The following TNPO1 variants were observed in gnomAD, a reference collection of about 807,000 sequenced individuals.
The protein encoded by TNPO1 is transportin 1, also known as transportin-1.
Under a neutral mutation model 119.5 loss-of-function variants are expected in TNPO1, and 8 were observed. The ratio of observed to expected loss-of-function variants is 0.07; its 90% CI spans 0.04 to 0.12. TNPO1 has a LOEUF of 0.12. Ranked by LOEUF, TNPO1 falls within the 10% of genes least tolerant of loss-of-function variation. TNPO1 has a pLI of 1.00. For synonymous variants in TNPO1, 362 were observed against 363.0 expected, an observed-to-expected ratio of 1.00 and a Z score of 0.03; for missense variants, 576 against 1,089.8, an observed-to-expected ratio of 0.53 and a Z score of 6.64.
intron 23 of TNPO1, among the ~76,000 whole-genome samples, chr5:72,904,080 G>A (rs1749968191): frequency 6.6e-6 from 1 of 152,156 alleles, no homozygotes; most frequent in Non-Finnish European, 1.5e-5. Flanking sequence ...GATGGAAATG[G>A]AGACTTGGAG....
At chr5:72,888,721 C>A (rs994552214) in intron 13 of TNPO1, among the ~76,000 whole-genome samples, 2 of 152,170 alleles carry the variant, frequency 1.3e-5, no homozygotes, top group Non-Finnish European at 2.9e-5. Flanking sequence ...GGAATAACAA[C>A]GTTTGAGCAG....
At chr5:72,900,314 T>C (rs1481706684) in intron 21 of TNPO1, among the ~76,000 whole-genome samples, 1 of 152,218 alleles carries the variant, frequency 6.6e-6, no homozygotes, top group African/African-American at 2.4e-5. Flanking sequence ...GATTGTCACA[T>C]GCTTGCTGTG....
chr5:72,878,381 T>G (rs777602966), intron 9 of TNPO1, among the ~76,000 whole-genome samples: 11 of 151,988 alleles, frequency 7.2e-5, no homozygotes, highest in Admixed American at 2.0e-4. Flanking sequence ...TATACCCCAC[T>G]GTGTGTCTAT....
At chr5:72,851,010 G>A (rs1367290233) in intron 2 of TNPO1, among the ~76,000 whole-genome samples, 3 of 151,948 alleles carry the variant, frequency 2.0e-5, no homozygotes, top group South Asian at 2.1e-4. Context: ...TTCTTATGTT[G>A]TATTGCATGT....
chr5:72,888,378 G>T, intron 13 of TNPO1, 75 bp downstream of exon 13: 1 of 1,275,336 alleles, frequency 7.8e-7, no homozygotes, highest in Non-Finnish European at 1.1e-6. Context: ...TGGAGTGTTG[G>T]TGTTAAACCT....
intron 1 of TNPO1, among the ~76,000 whole-genome samples, chr5:72,831,562 G>A (rs937503980): frequency 1.3e-5 from 2 of 151,640 alleles, no homozygotes; most frequent in African/African-American, 2.4e-5. Context: ...AAATTATTTT[G>A]TATACACAAG....
rs189428219 is a variant in TNPO1, at chr5:72,840,194, A to G, written c.16-8191A>G. Among the ~76,000 whole-genome samples, 49 of 152,286 alleles carry G rather than the reference A, an allele frequency of 3.2e-4. No homozygotes were observed. The South Asian group carries it at 3.5e-3, about 11-fold the overall frequency. On this transcript the variant is annotated intron_variant, in intron 1 of 24. Transcript: ENST00000337273. ...CACATGTTCGTGGGGTGGCAGAATG[A>G]GAATAATATGGCAGAGTAGTAGTTC...
rs1561364703 is a variant in TNPO1, at chr5:72,905,296, C to G, written c.2590-7C>G. On this transcript the variant is annotated splice_polypyrimidine_tract_variant and splice_region_variant and intron_variant, in intron 23 of 24. Transcript: ENST00000337273. The stretch of plus-strand genomic sequence containing the variant: ...ATTGATAAATTAATGGTTTTTCACT[C>G]TTACAGATCCTTCATGGATTTAAAA... 1.9e-6 allele frequency: 3 copies of G among 1,601,960 alleles called. No homozygotes were observed. The highest frequency in any genetic ancestry group is 2.6e-6 in the Non-Finnish European group (3 of 1,173,626).
At chr5:72,866,991 A>G (rs1580422780) in intron 6 of TNPO1, among the ~76,000 whole-genome samples, 1 of 152,052 alleles carries the variant, frequency 6.6e-6, no homozygotes, top group African/African-American at 2.4e-5. Context: ...CCTACGCAAC[A>G]TAGCAAGACC....
intron 22 of TNPO1, among the ~76,000 whole-genome samples, chr5:72,902,948 T>G (rs1280467270): frequency 2.0e-5 from 3 of 152,154 alleles, no homozygotes; most frequent in Non-Finnish European, 4.4e-5. Flanking sequence ...TTTTTGAAAT[T>G]AGTGAAGTTT....
At chr5:72,845,688 G>C (rs893681826) in intron 1 of TNPO1, among the ~76,000 whole-genome samples, 1 of 152,164 alleles carries the variant, frequency 6.6e-6, no homozygotes, top group Non-Finnish European at 1.5e-5. Flanking sequence ...ATCATAGGCT[G>C]ATCAAATTAA....
At chr5:72,843,695 T>C (rs1214684280) in intron 1 of TNPO1, among the ~76,000 whole-genome samples, 1 of 152,168 alleles carries the variant, frequency 6.6e-6, no homozygotes, top group Non-Finnish European at 1.5e-5. Context: ...TGTTTACCAT[T>C]TTGGGAAATG....
intron 20 of TNPO1, among the ~76,000 whole-genome samples, chr5:72,899,593 A>C (rs1579934922): frequency 6.6e-6 from 1 of 152,304 alleles, no homozygotes; most frequent in Middle Eastern, 3.4e-3. Flanking sequence ...TCTCATGAAA[A>C]AAACTATAGA....
intron 11 of TNPO1, among the ~76,000 whole-genome samples, 199 bp downstream of exon 11, chr5:72,883,431 T>C (rs905806551): frequency 4.6e-5 from 7 of 152,198 alleles, no homozygotes; most frequent in Non-Finnish European, 8.8e-5. Flanking sequence ...AGTAACTCCC[T>C]ATTGTTCACT....
chr5:72,857,747 C>T (rs1346770447), intron 4 of TNPO1, among the ~76,000 whole-genome samples: 1 of 152,274 alleles, frequency 6.6e-6, no homozygotes, highest in Admixed American at 6.5e-5. Context: ...CATTATAAAC[C>T]TATCTTTAAG....
At chr5:72,849,531 C>T (rs2112249019) in intron 2 of TNPO1, among the ~76,000 whole-genome samples, 1 of 152,282 alleles carries the variant, frequency 6.6e-6, no homozygotes, top group East Asian at 1.9e-4. Context: ...TTTAAAACAT[C>T]TGTAAAGATG....
At chr5:72,836,220 C>T (rs920420444) in intron 1 of TNPO1, among the ~76,000 whole-genome samples, 7 of 152,222 alleles carry the variant, frequency 4.6e-5, no homozygotes, top group African/African-American at 7.2e-5. Context: ...CTCCACTAGG[C>T]GTGCCCTAGT....
chr5:72,896,567 T>C lies in TNPO1; in HGVS notation c.2242+11T>C. 1 of 1,606,946 alleles carries C rather than the reference T, an allele frequency of 6.2e-7. No homozygotes were observed. The highest frequency in any genetic ancestry group is 8.5e-7 in the Non-Finnish European group (1 of 1,176,400). On this transcript the variant is annotated intron_variant, in intron 19 of 24. Coordinates refer to ENST00000337273, the MANE Select transcript of TNPO1 (RefSeq NM_002270.4). ...TCTCCATTCAAATGGGTAAGATGTT[T>C]TTCCCTATTTAAAAGCATAAGGCCT... is the stretch of plus-strand genomic sequence containing the variant.
chr5:72,836,019 A>T (rs536117666), intron 1 of TNPO1, among the ~76,000 whole-genome samples: 2 of 152,342 alleles, frequency 1.3e-5, no homozygotes, highest in South Asian at 4.1e-4. Context: ...CCAAGTCTCC[A>T]GGTCACCCTG....
Sources: allele counts gnomAD v4.1 joint callset (sites outside exome capture counted in the v4.1 genomes callset), GRCh38; gene constraint gnomAD v4.1.1; transcripts MANE v1.5; gene names NCBI Gene and HGNC (gene_info 2026-07-23, HGNC 2026-07-21).